Variants in LRBA observed in about 807,000 individuals in gnomAD.
LRBA encodes LPS responsive beige-like anchor protein.
In LRBA, 176 loss-of-function variants were observed where a neutral mutation model predicts 330.0. That is an observed-to-expected ratio of 0.53 (90% CI 0.47 to 0.60). The LOEUF is 0.60. Ranked by LOEUF, LRBA falls within the 20% of genes least tolerant of loss-of-function variation. The probability of loss-of-function intolerance (pLI) is 0.00; values close to 1 mark genes in which losing one functional copy is unlikely to be tolerated. For synonymous variants in LRBA, 1,230 were observed against 1,193.0 expected, an observed-to-expected ratio of 1.03 and a Z score of -0.64; for missense variants, 3,259 against 3,444.8, an observed-to-expected ratio of 0.95 and a Z score of 1.35.
At chr4:150,925,993 C>A (rs1056728146) in intron 4 of LRBA, among the ~76,000 whole-genome samples, 2 of 152,092 alleles carry the variant, frequency 1.3e-5, no homozygotes, top group East Asian at 1.9e-4. Context: ...ATGACTTAAA[C>A]CTGGAGTCAA....
chr4:150,829,303 T>C (rs573226425), intron 29 of LRBA, among the ~76,000 whole-genome samples: 15 of 152,286 alleles, frequency 9.8e-5, no homozygotes, highest in Non-Finnish European at 2.1e-4. Flanking sequence ...GCTGGAAAAC[T>C]TGTTACCCCT....
intron 44 of LRBA, among the ~76,000 whole-genome samples, chr4:150,455,106 C>A (rs1338349490): frequency 6.6e-6 from 1 of 150,896 alleles, no homozygotes; most frequent in African/African-American, 2.4e-5. Context: ...GGTATATCTC[C>A]CAATGCTATC....
chr4:150,602,158 A>G (rs964670981), intron 37 of LRBA, among the ~76,000 whole-genome samples: 2 of 152,230 alleles, frequency 1.3e-5, no homozygotes, highest in Admixed American at 1.3e-4. Context: ...CTGAAGACAA[A>G]GCAAATATCA....
intron 47 of LRBA, among the ~76,000 whole-genome samples, chr4:150,389,492 A>C (rs1159232173): frequency 6.6e-6 from 1 of 151,996 alleles, no homozygotes; most frequent in Non-Finnish European, 1.5e-5. Context: ...AGATTGCTTG[A>C]GGCCAGGAGT....
At chr4:150,870,061 G>A (rs1034362618) in intron 20 of LRBA, among the ~76,000 whole-genome samples, 13 of 151,972 alleles carry the variant, frequency 8.6e-5, no homozygotes, top group Non-Finnish European at 1.5e-5. Flanking sequence ...AGATGAAAAA[G>A]GTATACTTTA....
intron 47 of LRBA, among the ~76,000 whole-genome samples, chr4:150,407,457 CA>C (rs985272428): frequency 2.0e-5 from 3 of 151,672 alleles, no homozygotes; most frequent in African/African-American, 7.3e-5. Flanking sequence ...CAAAAACAAA[CA>C]AAAACAAAAA....
At chr4:150,467,055 GTT>G (rs1415122538) in intron 44 of LRBA, among the ~76,000 whole-genome samples, 4 of 152,076 alleles carry the variant, frequency 2.6e-5, no homozygotes, top group Non-Finnish European at 5.9e-5. Context: ...GAGCATGAAA[GTT>G]ATCAAAGACT....
chr4:150,894,379 C>G (rs766007382), intron 16 of LRBA, among the ~76,000 whole-genome samples: 1 of 152,122 alleles, frequency 6.6e-6, no homozygotes, highest in East Asian at 1.9e-4. Flanking sequence ...AATGTTTACT[C>G]GGTCAACATA....
At chr4:150,441,889 G>A (rs2152006123) in intron 44 of LRBA, among the ~76,000 whole-genome samples, 1 of 152,104 alleles carries the variant, frequency 6.6e-6, no homozygotes, top group East Asian at 1.9e-4. Context: ...TTGATTTAAA[G>A]GCCAATATAA....
chr4:150,619,779 A>C (rs1471774466), intron 37 of LRBA, among the ~76,000 whole-genome samples: 1 of 152,160 alleles, frequency 6.6e-6, no homozygotes, highest in Non-Finnish European at 1.5e-5. Context: ...TATGCACTTA[A>C]ATAAAGCCCA....
intron 2 of LRBA, among the ~76,000 whole-genome samples, chr4:150,937,255 G>C (rs571087905): frequency 2.5e-4 from 38 of 152,012 alleles, no homozygotes; most frequent in African/African-American, 8.9e-4. Context: ...ACATGCACAG[G>C]GTCTACAGTA....
In LRBA at chr4:150,277,969, G is replaced by C; in HGVS notation, c.8352C>G (p.Leu2784=). ...CGACCACTCCTCTGTCTCCTCCTGT[G>C]AGCAGGTACTGCCCATCTCGGCTCA... is the stretch of plus-strand genomic sequence containing the variant. The part of the protein sequence containing the change: ...IQLSRDGQYL[L]TGGDRGVVVV... Residue 2784 remains leucine (L), a synonymous_variant, in exon 56 of 57, where the codon CTC becomes CTG. Transcript: ENST00000651943. 6.2e-7 allele frequency: 1 copy of C among 1,614,074 alleles called. No homozygotes were observed. Among genetic ancestry groups the C allele is most frequent in the Non-Finnish European group, 8.5e-7 (1 of 1,180,010 alleles).
intron 40 of LRBA, among the ~76,000 whole-genome samples, chr4:150,526,597 A>G (rs1450040300): frequency 6.6e-6 from 1 of 152,150 alleles, no homozygotes; most frequent in Non-Finnish European, 1.5e-5. Flanking sequence ...AAATTTTCAG[A>G]CCTTCACAAA....
At position 150,777,518 on chromosome 4, in the gene LRBA, C is replaced by T. The variant is rs72719606; in HGVS notation, c.5581-15671G>A. ...TTGTTAAGATGTAGTTATCTATGCC[C>T]TTGTAAAACGAAGCGAATTGGATGG... On this transcript the variant is annotated intron_variant, in intron 34 of 56. Coordinates refer to ENST00000651943, the MANE Select transcript of LRBA (RefSeq NM_001364905.1). Among the ~76,000 whole-genome samples, 244 of 152,194 alleles carry T rather than the reference C, an allele frequency of 1.6e-3. 1 individual carries two copies. Among genetic ancestry groups the T allele is most frequent in the Admixed American group, 3.5e-3 (54 of 15,272 alleles).
intron 2 of LRBA, among the ~76,000 whole-genome samples, chr4:150,991,546 A>G (rs1742085103): frequency 6.6e-6 from 1 of 152,356 alleles, no homozygotes; most frequent in African/African-American, 2.4e-5. Context: ...TGCTGAGTAC[A>G]AGAAGCTAGT....
chr4:150,616,823 C>T (rs544362750), intron 37 of LRBA, among the ~76,000 whole-genome samples: 7 of 152,186 alleles, frequency 4.6e-5, no homozygotes, highest in African/African-American at 1.7e-4. Context: ...TGCAAATAAT[C>T]CACCAAATGG....
intron 41 of LRBA, among the ~76,000 whole-genome samples, chr4:150,489,060 T>C (rs1219051129): frequency 5.6e-5 from 4 of 71,492 alleles, no homozygotes; most frequent in African/African-American, 1.8e-4. Context: ...TATATAAGAA[T>C]ATATAATATA....
At chr4:150,610,636 C>G (rs1775159627) in intron 37 of LRBA, among the ~76,000 whole-genome samples, 1 of 151,844 alleles carries the variant, frequency 6.6e-6, no homozygotes, top group Non-Finnish European at 1.5e-5. Flanking sequence ...AAGCAGTTGA[C>G]CAGACTCATT....
intron 47 of LRBA, among the ~76,000 whole-genome samples, chr4:150,396,137 T>C (rs1744696756): frequency 6.6e-6 from 1 of 152,262 alleles, no homozygotes; most frequent in African/African-American, 2.4e-5. Flanking sequence ...TGGGCAGGTA[T>C]CATCCAATCC....
Sources: gnomAD v4.1 joint callset for allele counts (sites outside exome capture counted in the v4.1 genomes callset) on GRCh38, gnomAD v4.1.1 for gene constraint, MANE v1.5 for transcripts, NCBI Gene and HGNC (gene_info 2026-07-23, HGNC 2026-07-21) for gene names.